Variants in SARNP observed in about 807,000 individuals in gnomAD.
The protein encoded by SARNP is SAP domain-containing ribonucleoprotein.
A neutral mutation model predicts 38.1 loss-of-function variants in SARNP; 5 were observed. The ratio of observed to expected loss-of-function variants is 0.13; its 90% CI spans 0.07 to 0.28. The LOEUF is 0.28. SARNP is among the 10% of genes least tolerant of loss of function. The pLI, the probability that SARNP is intolerant of heterozygous loss-of-function variation, is 1.00. For synonymous variants in SARNP, 84 were observed against 80.6 expected (o/e 1.04, Z -0.23); for missense variants, 180 against 243.9 (o/e 0.74, Z 1.75).
At chr12:55,799,559 C>CGTTTTT (rs1879917446) in intron 4 of SARNP, among the ~76,000 whole-genome samples, 1 of 112,248 alleles carries the variant, frequency 8.9e-6, no homozygotes, top group Admixed American at 1.2e-4. Context: ...GAGTGTCACA[C>CGTTTTT]TTTTTTTTTT....
At chr12:55,768,294 T>C (rs976495861) in intron 9 of SARNP, among the ~76,000 whole-genome samples, 3 of 145,368 alleles carry the variant, frequency 2.1e-5, no homozygotes, top group Admixed American at 6.9e-5. Flanking sequence ...CCCAGCTAAT[T>C]TTTTTTTTAA....
intron 9 of SARNP, among the ~76,000 whole-genome samples, chr12:55,773,017 G>C (rs893970573): frequency 2.0e-5 from 3 of 152,118 alleles, no homozygotes; most frequent in Admixed American, 6.6e-5. Context: ...GCCCAGCCTG[G>C]GAAGCTGAAA....
chr12:55,805,659 C>T (rs1336956426), intron 1 of SARNP, among the ~76,000 whole-genome samples: 1 of 151,998 alleles, frequency 6.6e-6, no homozygotes, highest in African/African-American at 2.4e-5. Flanking sequence ...CCAGCCTGGC[C>T]AACACGGTGA....
Position 55,757,415 on chromosome 12 carries a change from A to T in SARNP, c.*97T>A, listed in dbSNP as rs527863965. On this transcript the variant is annotated 3_prime_UTR_variant, in exon 11 of 11. Coordinates refer to ENST00000336133, the MANE Select transcript of SARNP (RefSeq NM_033082.4). Reference sequence around the variant, plus strand: ...ACATGCTCCCTCATTGCGAGGCAGGACGTAGGCACATGACTGTGCATTTAG... The same window carrying T: ...ACATGCTCCCTCATTGCGAGGCAGGTCGTAGGCACATGACTGTGCATTTAG... The T allele has an allele frequency of 7.0e-6, 7 of 996,154 alleles. No homozygotes were observed. The South Asian group carries it at 1.2e-4, about 17-fold the overall frequency. The allele number at this position is 996,154 out of a possible 1,614,324, so 61.7% of individuals were successfully genotyped here.
At chr12:55,790,500 G>T (rs1049368366) in intron 8 of SARNP, 67 bp downstream of exon 8, 17 of 1,482,752 alleles carry the variant, frequency 1.1e-5, no homozygotes, top group African/African-American at 5.7e-5. Flanking sequence ...TGGGGAGGAG[G>T]AGTCTCTAAA....
chr12:55,760,354 T>A lies in SARNP; in HGVS notation c.591+197A>T, dbSNP rs1403055531. ...CATCTCTACTTAAATAAATAAATAA[T>A]TAAGAAGTAGGTGGGAAAACAGTGT... On this transcript the variant is annotated intron_variant, in intron 10 of 10. Coordinates refer to ENST00000336133, the MANE Select transcript of SARNP (RefSeq NM_033082.4). 9.3e-6 allele frequency: 5 copies of A among 540,410 alleles called. No homozygotes were observed. In the Admixed American group the frequency reaches 1.0e-4, roughly 11 times the overall value. 33.5% of individuals were successfully genotyped at this position (540,410 alleles called of 1,614,324 possible). A position where few individuals can be genotyped will look rare whatever the true frequency, so the allele number is the denominator to read the frequency against.
intron 4 of SARNP, among the ~76,000 whole-genome samples, chr12:55,796,693 G>T (rs1045706532): frequency 1.3e-5 from 2 of 151,946 alleles, no homozygotes; most frequent in Non-Finnish European, 2.9e-5. Context: ...ATCAGCCACC[G>T]AGCCCAGCCT....
At chr12:55,776,996 G>A (rs1879200380) in intron 9 of SARNP, among the ~76,000 whole-genome samples, 1 of 152,190 alleles carries the variant, frequency 6.6e-6, no homozygotes, top group Non-Finnish European at 1.5e-5. Flanking sequence ...AAGACGAGCA[G>A]GGGGCCAAAG....
rs763897137 is a variant in SARNP, at chr12:55,810,673, G to C, written c.37-6945C>G. On this transcript the variant is annotated intron_variant, in intron 1 of 10. Transcript: ENST00000336133. ...TCACCATGTTGGTCAGGCTGGTCTTGAACTCCTGACCTCAGGTGATCTTCC... is the reference window on the plus strand; with the variant it reads ...TCACCATGTTGGTCAGGCTGGTCTTCAACTCCTGACCTCAGGTGATCTTCC... 9.2e-4 allele frequency among the ~76,000 whole-genome samples: 139 copies of C among 151,816 alleles called. 2 individuals are homozygous for C. The Middle Eastern group carries it at 0.024, about 26-fold the overall frequency.
chr12:55,775,968 CA>C (rs1045501844), intron 9 of SARNP, among the ~76,000 whole-genome samples: 1 of 152,106 alleles, frequency 6.6e-6, no homozygotes, highest in African/African-American at 2.4e-5. Context: ...AATTTCCTAT[CA>C]AAAAAATTAA....
rs372076408 is a variant in SARNP at position 55,782,439 on chromosome 12, C to A, written c.501+6636G>T. Among the ~76,000 whole-genome samples the A allele has an allele frequency of 1.2e-4, 18 of 152,252 alleles. 1 individual carries two copies. The East Asian group carries it at 2.1e-3, about 18-fold the overall frequency. ...CGAGGGTGCCAATGTTTGAAAAATA[C>A]CAAACAATCCACTCAAATTAGCACA... is the stretch of plus-strand genomic sequence containing the variant. On this transcript the variant is annotated intron_variant, in intron 9 of 10. Coordinates refer to ENST00000336133, the MANE Select transcript of SARNP (RefSeq NM_033082.4).
intron 7 of SARNP, chr12:55,792,898 T>C (rs965061910): frequency 6.6e-6 from 1 of 152,166 alleles, no homozygotes; most frequent in Non-Finnish European, 1.5e-5. Context: ...TTTCCCAAGC[T>C]AGTTTCCAAC....
chr12:55,807,489 A>G (rs1880183954), intron 1 of SARNP, among the ~76,000 whole-genome samples: 1 of 151,936 alleles, frequency 6.6e-6, no homozygotes, highest in South Asian at 2.1e-4. Context: ...GGGAAACACC[A>G]TGAGATGCCA....
At chr12:55,804,553 T>C (rs2136203321) in intron 1 of SARNP, among the ~76,000 whole-genome samples, 1 of 152,224 alleles carries the variant, frequency 6.6e-6, no homozygotes, top group African/African-American at 2.4e-5. Flanking sequence ...TAAGGGAGGA[T>C]TGGCTCAATA....
At chr12:55,775,197 ATTTC>A (rs969600800) in intron 9 of SARNP, among the ~76,000 whole-genome samples, 4 of 144,600 alleles carry the variant, frequency 2.8e-5, no homozygotes, top group African/African-American at 1.0e-4. Flanking sequence ...ACACATTTCT[ATTTC>A]TTTCCTAAGA....
rs36085406 is a variant in SARNP at position 55,816,647 on chromosome 12, T to C, written c.36+1019A>G. Among the ~76,000 whole-genome samples the C allele has an allele frequency of 3.5e-3, 535 of 152,364 alleles. 1 individual carries two copies. The highest frequency in any genetic ancestry group is 0.012 in the African/African-American group (516 of 41,582). On this transcript the variant is annotated intron_variant, in intron 1 of 10. Coordinates refer to ENST00000336133, the MANE Select transcript of SARNP (RefSeq NM_033082.4). The stretch of plus-strand genomic sequence containing the variant: ...TAAAGGATCACTTTTCAGTTTCAGC[T>C]ATATCAGCCTGGTTTGTCCAAAACA...
At chr12:55,785,655 T>C (rs1185034960) in intron 9 of SARNP, among the ~76,000 whole-genome samples, 1 of 151,906 alleles carries the variant, frequency 6.6e-6, no homozygotes, top group Non-Finnish European at 1.5e-5. Context: ...CACTCCCATA[T>C]TCTTAGCTAC....
chr12:55,773,577 AGGGCACACTGCAGTTATGT>A (rs1290545687), intron 9 of SARNP, among the ~76,000 whole-genome samples: 1 of 152,244 alleles, frequency 6.6e-6, no homozygotes, highest in Non-Finnish European at 1.5e-5. Flanking sequence ...AAACAAGATC[AGGGCACACTGCAGTTATGT>A]GGGGAAAAGA....
intron 1 of SARNP, among the ~76,000 whole-genome samples, chr12:55,815,428 A>G (rs755090449): frequency 1.3e-5 from 2 of 152,142 alleles, no homozygotes; most frequent in Non-Finnish European, 2.9e-5. Flanking sequence ...CCAAACATTA[A>G]TTGTCCTAAA....
Sources: allele counts gnomAD v4.1 joint callset (sites outside exome capture counted in the v4.1 genomes callset), GRCh38; gene constraint gnomAD v4.1.1; transcripts MANE v1.5; gene names NCBI Gene and HGNC (gene_info 2026-07-23, HGNC 2026-07-21).